EYS: variants seen among roughly 807,000 people sequenced by gnomAD.
EYS encodes the protein protein eyes shut homolog.
EYS carries 250 observed loss-of-function variants against 282.1 expected under a neutral mutation model. That is an observed-to-expected ratio of 0.89 (90% CI 0.80 to 0.98). The LOEUF is 0.98. Among genes scored for constraint, EYS ranks in the 50% least tolerant of loss-of-function variants. The pLI is 0.00. For missense variants in EYS, 4,016 were observed against 3,709.0 expected (o/e 1.08, Z -2.15); for synonymous variants, 1,355 against 1,282.9 (o/e 1.06, Z -1.20).
intron 31 of EYS, among the ~76,000 whole-genome samples, chr6:64,099,892 C>G (rs887131679): frequency 2.0e-5 from 3 of 152,106 alleles, no homozygotes; most frequent in African/African-American, 7.2e-5. Flanking sequence ...ATTTTCAACT[C>G]AAGAAATATA....
chr6:64,665,613 G>A (rs1376439602), intron 22 of EYS, among the ~76,000 whole-genome samples: 2 of 152,088 alleles, frequency 1.3e-5, no homozygotes, highest in Non-Finnish European at 2.9e-5. Flanking sequence ...TCTGTATATA[G>A]ACATTTAAAA....
intron 41 of EYS, among the ~76,000 whole-genome samples, chr6:63,760,932 T>C (rs1042051181): frequency 1.3e-5 from 2 of 152,000 alleles, no homozygotes; most frequent in Non-Finnish European, 2.9e-5. Flanking sequence ...TTGGGAGTTA[T>C]AAAGGTACTC....
intron 31 of EYS, among the ~76,000 whole-genome samples, chr6:64,224,599 AC>A (rs1466853638): frequency 1.3e-5 from 2 of 152,024 alleles, no homozygotes; most frequent in Admixed American, 1.3e-4. Context: ...CCTTTTAAGT[AC>A]CATTTAAGAT....
intron 22 of EYS, among the ~76,000 whole-genome samples, chr6:64,746,156 T>C (rs1474503276): frequency 6.6e-6 from 1 of 152,020 alleles, no homozygotes; most frequent in Non-Finnish European, 1.5e-5. Flanking sequence ...AATTTCAGCA[T>C]GAGTTTCAAC....
intron 2 of EYS, among the ~76,000 whole-genome samples, chr6:65,624,786 T>C (rs1402922338): frequency 6.6e-6 from 1 of 152,204 alleles, no homozygotes; most frequent in Non-Finnish European, 1.5e-5. Flanking sequence ...GGACTTACAC[T>C]ACTGTATGTC....
intron 29 of EYS, among the ~76,000 whole-genome samples, chr6:64,308,743 T>C (rs1193863012): frequency 1.3e-5 from 2 of 152,060 alleles, no homozygotes; most frequent in Admixed American, 6.5e-5. Context: ...AAGTTTGCTA[T>C]AGGCTCAAAT....
chr6:64,858,395 C>T (rs758165362), intron 19 of EYS, among the ~76,000 whole-genome samples: 4 of 151,868 alleles, frequency 2.6e-5, no homozygotes, highest in South Asian at 2.1e-4. Flanking sequence ...TGTAAAAAAT[C>T]GCTTAAGCAT....
intron 29 of EYS, among the ~76,000 whole-genome samples, chr6:64,374,824 G>A (rs910061292): frequency 6.6e-6 from 1 of 152,208 alleles, no homozygotes; most frequent in African/African-American, 2.4e-5. Flanking sequence ...GTACTATGGA[G>A]AGAATGAGAG....
chr6:64,820,657 C>A (rs182138008), intron 21 of EYS, among the ~76,000 whole-genome samples: 1 of 152,130 alleles, frequency 6.6e-6, no homozygotes, highest in African/African-American at 2.4e-5. Context: ...CTTGCAATAA[C>A]CTGAGGTAGT....
chr6:64,338,367 A>T (rs61131689), intron 29 of EYS, among the ~76,000 whole-genome samples: 4,707 of 151,744 alleles, frequency 0.031, 227 homozygotes, highest in African/African-American at 0.11. Flanking sequence ...CAAGAAGTCT[A>T]CCCCTTTTAC....
intron 26 of EYS, among the ~76,000 whole-genome samples, chr6:64,558,793 TG>T (rs990464234): frequency 6.6e-6 from 1 of 152,180 alleles, no homozygotes; most frequent in African/African-American, 2.4e-5. Context: ...GTTAGTATGT[TG>T]ATATTGTTTT....
At chr6:64,658,511 G>A (rs1768850023) in intron 22 of EYS, among the ~76,000 whole-genome samples, 1 of 152,122 alleles carries the variant, frequency 6.6e-6, no homozygotes, top group African/African-American at 2.4e-5. Context: ...TTTGATGATG[G>A]TGACGTACAG....
At chr6:64,340,387 A>G (rs1317218589) in intron 29 of EYS, among the ~76,000 whole-genome samples, 1 of 151,776 alleles carries the variant, frequency 6.6e-6, no homozygotes, top group East Asian at 1.9e-4. Context: ...AGACCAATGG[A>G]AAAGAATAGA....
chr6:64,672,538 C>G (rs992031201), intron 22 of EYS, among the ~76,000 whole-genome samples: 3 of 152,156 alleles, frequency 2.0e-5, no homozygotes, highest in African/African-American at 4.8e-5. Context: ...TTTTATTACT[C>G]TCTATGATGG....
At chr6:65,117,218 G>A (rs1347205128) in intron 12 of EYS, among the ~76,000 whole-genome samples, 5 of 152,136 alleles carry the variant, frequency 3.3e-5, no homozygotes, top group Non-Finnish European at 7.4e-5. Context: ...CGAACCAAAT[G>A]AACCAAATGA....
chr6:65,386,546 C>A (rs1404205741), intron 7 of EYS, among the ~76,000 whole-genome samples: 1 of 151,856 alleles, frequency 6.6e-6, no homozygotes, highest in Non-Finnish European at 1.5e-5. Flanking sequence ...ATCAACTCAG[C>A]CTGCTGTCAA....
chr6:64,481,062 A>G (rs983439396), intron 26 of EYS, among the ~76,000 whole-genome samples: 1 of 151,422 alleles, frequency 6.6e-6, no homozygotes, highest in Admixed American at 6.6e-5. Flanking sequence ...TTTCAGGTGA[A>G]CAGTTTTCCT....
At chr6:65,519,694 A>AT in intron 2 of EYS, among the ~76,000 whole-genome samples, 1 of 37,050 alleles carries the variant, frequency 2.7e-5, no homozygotes, top group Non-Finnish European at 4.3e-5. Context: ...AACTATATAT[A>AT]TATATATATA....
intron 26 of EYS, among the ~76,000 whole-genome samples, chr6:64,451,973 A>T (rs1442195786): frequency 6.6e-6 from 1 of 151,982 alleles, no homozygotes; most frequent in Non-Finnish European, 1.5e-5. Context: ...CTCTCTCACC[A>T]CTCTTATTCA....
Sources: gnomAD v4.1 joint callset for allele counts (sites outside exome capture counted in the v4.1 genomes callset) on GRCh38, gnomAD v4.1.1 for gene constraint, MANE v1.5 for transcripts, NCBI Gene and HGNC (gene_info 2026-07-23, HGNC 2026-07-21) for gene names.